Variants in RMDN2 observed in about 807,000 individuals in gnomAD.
RMDN2 encodes the protein regulator of microtubule dynamics 2.
A neutral mutation model predicts 52.8 loss-of-function variants in RMDN2; 61 were observed. The observed-to-expected ratio is 1.16, with a 90% confidence interval of 0.94 to 1.43. The LOEUF is 1.43. Ranked by LOEUF, RMDN2 falls within the 40% of genes most tolerant of loss-of-function variation. The pLI, the probability that RMDN2 is intolerant of heterozygous loss-of-function variation, is 0.00. For missense variants in RMDN2, 592 were observed against 475.3 expected, an observed-to-expected ratio of 1.25 and a Z score of -2.28; for synonymous variants, 180 against 153.1, an observed-to-expected ratio of 1.18 and a Z score of -1.30.
chr2:38,003,537 A>G (rs1023784544), intron 8 of RMDN2, among the ~76,000 whole-genome samples: 5 of 132,164 alleles, frequency 3.8e-5, no homozygotes, highest in Admixed American at 1.6e-4. Flanking sequence ...TGGGCAACAA[A>G]GCAAGACCTG....
At chr2:37,933,750 A>C (rs1415720868) in intron 2 of RMDN2, among the ~76,000 whole-genome samples, 1 of 152,140 alleles carries the variant, frequency 6.6e-6, no homozygotes, top group Non-Finnish European at 1.5e-5. Context: ...TCGGCATCAG[A>C]GGGAGACCGT....
intron 7 of RMDN2, among the ~76,000 whole-genome samples, chr2:37,991,677 C>A (rs1192506020): frequency 6.6e-6 from 1 of 152,114 alleles, no homozygotes; most frequent in Non-Finnish European, 1.5e-5. Context: ...ACACACACAC[C>A]CTGTGTCTAG....
chr2:37,991,660 A>G (rs1054672336), intron 7 of RMDN2, among the ~76,000 whole-genome samples: 3 of 152,094 alleles, frequency 2.0e-5, no homozygotes, highest in Admixed American at 1.3e-4. Context: ...TTTGGGATCA[A>G]CAATCCACAC....
rs143678443 is a variant in RMDN2 at position 38,008,983 on chromosome 2, T to A, written c.1179+4767T>A. On this transcript the variant is annotated intron_variant, in intron 10 of 10. Coordinates refer to ENST00000354545, the MANE Select transcript of RMDN2 (RefSeq NM_001170791.3). The stretch of plus-strand genomic sequence containing the variant: ...TTATGAAGCTTAGTTTGGCTGGATA[T>A]GAAATTCTGGGTTGAAAATTCTTTT... Among the ~76,000 whole-genome samples the A allele has an allele frequency of 9.1e-4, 138 of 152,346 alleles. 2 individuals are homozygous for A. The East Asian group carries it at 0.023, about 25-fold the overall frequency.
chr2:37,963,945 GC>G (rs1457145009), intron 2 of RMDN2, among the ~76,000 whole-genome samples: 1 of 151,102 alleles, frequency 6.6e-6, no homozygotes, highest in Non-Finnish European at 1.5e-5. Context: ...AGGCGGAGGT[GC>G]CCCCCACCTC....
chr2:38,051,331 A>T (rs1681585475), intron 10 of RMDN2, among the ~76,000 whole-genome samples: 3 of 152,336 alleles, frequency 2.0e-5, no homozygotes, highest in South Asian at 4.1e-4. Context: ...TGGTGATAGA[A>T]CTTTAAATTC....
rs374722190 is a variant in RMDN2, at chr2:37,991,189, G to A, written c.868-31G>A. 5.4e-6 allele frequency: 7 copies of A among 1,289,892 alleles called. No homozygotes were observed. In the African/African-American group the frequency reaches 1.0e-4, roughly 19 times the overall value. 79.9% of individuals were successfully genotyped at this position (1,289,892 alleles called of 1,614,324 possible). A position where few individuals can be genotyped will look rare whatever the true frequency, so the allele number is the denominator to read the frequency against. ...CCAGTCAACAATATCTGAAACTTGG[G>A]AGATGATTTTCCTTTGGATGCTTTT... On this transcript the variant is annotated intron_variant, in intron 6 of 10. Transcript: ENST00000354545.
At chr2:37,973,014 T>C (rs1488342946) in intron 2 of RMDN2, among the ~76,000 whole-genome samples, 1 of 152,240 alleles carries the variant, frequency 6.6e-6, no homozygotes, top group Non-Finnish European at 1.5e-5. Flanking sequence ...CTGCAAGTTG[T>C]GAAGCTGATT....
rs1004930610 is a variant in RMDN2 at position 37,928,222 on chromosome 2, T to C, written c.-16-1040T>C. On this transcript the variant is annotated intron_variant, in intron 1 of 10. Coordinates refer to ENST00000354545, the MANE Select transcript of RMDN2 (RefSeq NM_001170791.3). Reference sequence around the variant, plus strand: ...GTTCCAGGCATATACTCTAGTGAAATAGGAATCCAAAGACGTTCTTATTTT... The same window carrying C: ...GTTCCAGGCATATACTCTAGTGAAACAGGAATCCAAAGACGTTCTTATTTT... 5.3e-5 allele frequency among the ~76,000 whole-genome samples: 8 copies of C among 152,130 alleles called. No homozygotes were observed. In the East Asian group the frequency reaches 9.6e-4, roughly 18 times the overall value.
At chr2:38,023,168 G>T (rs140445683) in intron 10 of RMDN2, among the ~76,000 whole-genome samples, 436 of 152,308 alleles carry the variant, frequency 2.9e-3, no homozygotes, top group African/African-American at 9.2e-3. Context: ...CTAAAGCACA[G>T]GATATTTCCA....
At chr2:37,952,006 T>A in intron 2 of RMDN2, 3 of 1,613,068 alleles carry the variant, frequency 1.9e-6, no homozygotes, top group Non-Finnish European at 2.5e-6. Flanking sequence ...TCTCCAATCA[T>A]GATTCCACAG....
rs1252075373 is a variant in RMDN2, at chr2:37,929,524, C to G, written c.247C>G (p.Leu83Val). ...LQILEKLNEL[L>V]TNMEELKEEI... ...GATACTGGAGAAGTTAAACGAATTA[C>G]TGACAAATATGGAAGAACTCAAAGA... Residue 83 changes from leucine to valine, a missense_variant, in exon 2 of 11, where the codon CTG becomes GTG. Transcript: ENST00000354545. The G allele has an allele frequency of 6.4e-7, 1 of 1,551,654 alleles. No individual in the cohort carries two copies. The highest frequency in any genetic ancestry group is 2.0e-5 in the Admixed American group (1 of 50,996).
At chr2:38,006,217 T>A (rs1362664591) in intron 10 of RMDN2, among the ~76,000 whole-genome samples, 1 of 152,186 alleles carries the variant, frequency 6.6e-6, no homozygotes, top group Admixed American at 6.5e-5. Flanking sequence ...AACTTTAAGG[T>A]AGTTTTTTCC....
Position 37,989,621 on chromosome 2 carries a change from T to G in RMDN2, c.867+5T>G, listed in dbSNP as rs766645347. The stretch of plus-strand genomic sequence containing the variant: ...AACTATGGGCACCTCTTCAAGGTAT[T>G]TCTTTTTTTTTTTTCATATTTCTTT... On this transcript the variant is annotated splice_donor_5th_base_variant and intron_variant, in intron 6 of 10. Transcript: ENST00000354545. 5.1e-6 allele frequency: 8 copies of G among 1,577,204 alleles called. No homozygotes were observed. The highest frequency in any genetic ancestry group is 6.1e-6 in the Non-Finnish European group (7 of 1,156,894).
At chr2:37,972,412 T>C (rs1005431343) in intron 2 of RMDN2, among the ~76,000 whole-genome samples, 7 of 152,124 alleles carry the variant, frequency 4.6e-5, no homozygotes, top group Admixed American at 4.6e-4. Context: ...ATGACTGATA[T>C]GTTCAAGGAA....
chr2:37,928,042 A>T lies in RMDN2; in HGVS notation c.-16-1220A>T, dbSNP rs534536478. 1.9e-3 allele frequency among the ~76,000 whole-genome samples: 295 copies of T among 152,326 alleles called. 2 individuals carry two copies. Among genetic ancestry groups the T allele is most frequent in the South Asian group, 6.4e-3 (31 of 4,824 alleles). On this transcript the variant is annotated intron_variant, in intron 1 of 10. Transcript: ENST00000354545. Reference sequence around the variant, plus strand: ...ATTAAGTACCAAGGCTTTCTCTGGAATCTTTGGTTTAAAAGAAGGAATTCT... The same window carrying T: ...ATTAAGTACCAAGGCTTTCTCTGGATTCTTTGGTTTAAAAGAAGGAATTCT...
intron 2 of RMDN2, among the ~76,000 whole-genome samples, chr2:37,946,497 C>G (rs772299738): frequency 6.6e-6 from 1 of 152,138 alleles, no homozygotes; most frequent in Non-Finnish European, 1.5e-5. Flanking sequence ...CTGTGGTGTT[C>G]CCAGTGCTTT....
intron 2 of RMDN2, among the ~76,000 whole-genome samples, chr2:37,966,057 A>G (rs1670998272): frequency 6.6e-6 from 1 of 152,180 alleles, no homozygotes; most frequent in African/African-American, 2.4e-5. Context: ...TGTCTTTAGC[A>G]TTCAGTACTT....
chr2:37,926,724 C>G (rs1043747232), intron 1 of RMDN2, among the ~76,000 whole-genome samples: 1 of 152,176 alleles, frequency 6.6e-6, no homozygotes, highest in Non-Finnish European at 1.5e-5. Flanking sequence ...ATTGCTTGGG[C>G]CCAGGAGTTC....
Sources: allele counts gnomAD v4.1 joint callset (sites outside exome capture counted in the v4.1 genomes callset), GRCh38; gene constraint gnomAD v4.1.1; transcripts MANE v1.5; gene names NCBI Gene and HGNC (gene_info 2026-07-23, HGNC 2026-07-21).